Variants in ANXA10 observed in about 807,000 individuals in gnomAD.
The protein encoded by ANXA10 is annexin A10.
Under a neutral mutation model 53.5 loss-of-function variants are expected in ANXA10, and 49 were observed. That is an observed-to-expected ratio of 0.92 (90% CI 0.73 to 1.16). ANXA10 has a LOEUF of 1.16. Among genes scored for constraint, ANXA10 ranks in the 50% most tolerant of loss-of-function variants. ANXA10 has a pLI of 0.00. For synonymous variants in ANXA10, 131 were observed against 128.9 expected (o/e 1.02, Z -0.11); for missense variants, 393 against 394.4 (o/e 1.00, Z 0.03).
intron 2 of ANXA10, among the ~76,000 whole-genome samples, chr4:168,137,912 T>C (rs6841013): frequency 0.19 from 28,665 of 151,974 alleles, 2,912 homozygotes; most frequent in Non-Finnish European, 0.23. Context: ...CAACAGTCTT[T>C]AAGCATTCCT....
intron 3 of ANXA10, among the ~76,000 whole-genome samples, chr4:168,156,242 TAGTATATATTATATATA>T (rs1731670597): frequency 1.9e-5 from 1 of 53,900 alleles, no homozygotes; most frequent in South Asian, 4.4e-4. Flanking sequence ...TTATATATAA[TAGTATATATTATATATA>T]ATGTATATAT....
At chr4:168,116,996 G>GACACAC (rs9312272) in intron 1 of ANXA10, among the ~76,000 whole-genome samples, 7 of 151,128 alleles carry the variant, frequency 4.6e-5, no homozygotes, top group South Asian at 2.1e-4. Flanking sequence ...TTTTCACACA[G>GACACAC]ACACACACAC....
intron 10 of ANXA10, 21 bp downstream of exon 10, chr4:168,181,762 T>A (rs772564845): frequency 4.0e-6 from 6 of 1,483,966 alleles, no homozygotes; most frequent in Admixed American, 3.6e-5. Flanking sequence ...CATATATTTT[T>A]AAAATTTCTC....
chr4:168,138,194 C>T (rs1428801957), intron 2 of ANXA10, among the ~76,000 whole-genome samples: 1 of 152,026 alleles, frequency 6.6e-6, no homozygotes, highest in East Asian at 1.9e-4. Flanking sequence ...ACCTCCTGAC[C>T]TCATGATCCA....
rs1560784534 is a variant in ANXA10 at position 168,156,203 on chromosome 4, A to ATAATATG, written c.196-6323_196-6322insATATGTA. ...ATATATTATATATTATATATAATAT[A>ATAATATG]TATTATATTATATGTAATATGTATT... On this transcript the variant is annotated intron_variant, in intron 3 of 11. Transcript: ENST00000359299. Among the ~76,000 whole-genome samples, 10 of 23,884 alleles carry ATAATATG rather than the reference A, an allele frequency of 4.2e-4. 1 individual carries two copies. Among genetic ancestry groups the ATAATATG allele is most frequent in the African/African-American group, 2.0e-3 (9 of 4,504 alleles). 15.7% of individuals were successfully genotyped at this position (23,884 alleles called of 152,430 possible). A position where few individuals can be genotyped will look rare whatever the true frequency, so the allele number is the denominator to read the frequency against.
intron 1 of ANXA10, among the ~76,000 whole-genome samples, chr4:168,119,893 G>A (rs939258087): frequency 6.6e-6 from 1 of 152,166 alleles, no homozygotes; most frequent in Non-Finnish European, 1.5e-5. Context: ...TTTTGGCTCA[G>A]TACCAGATAA....
rs114163250 is a variant in ANXA10 at position 168,094,799 on chromosome 4, T to A, written c.18+2081T>A. 6.7e-3 allele frequency among the ~76,000 whole-genome samples: 1,022 copies of A among 152,216 alleles called. 15 individuals carry two copies. The highest frequency in any genetic ancestry group is 0.024 in the African/African-American group (987 of 41,562). On this transcript the variant is annotated intron_variant, in intron 1 of 11. Transcript: ENST00000359299. ...AAAATGGTTACATTTCTGTAGGAGA[T>A]AAACATACATAATATGTTAAAATTA... is the stretch of plus-strand genomic sequence containing the variant.
Position 168,096,911 on chromosome 4 carries a change from C to CATATATATATATATATATATATGTAT in ANXA10, c.18+4211_18+4212insATATGTATATATATATATATATATAT, listed in dbSNP as rs35451323. ...TTTGTATCCATTACTAATACAAATG[C>CATATATATATATATATATATATGTAT]ATATATATATATATATATGTATGTA... On this transcript the variant is annotated intron_variant, in intron 1 of 11. Transcript: ENST00000359299. 8.2e-5 allele frequency among the ~76,000 whole-genome samples: 9 copies of CATATATATATATATATATATATGTAT among 109,658 alleles called. No homozygotes were observed. In the South Asian group the frequency reaches 2.2e-3, roughly 27 times the overall value. The allele number at this position is 109,658 out of a possible 152,430, so 71.9% of individuals were successfully genotyped here. A position where few individuals can be genotyped will look rare whatever the true frequency, so the allele number is the denominator to read the frequency against.
chr4:168,141,255 G>T (rs1207651418), intron 3 of ANXA10, among the ~76,000 whole-genome samples: 1 of 152,148 alleles, frequency 6.6e-6, no homozygotes, highest in Non-Finnish European at 1.5e-5. Context: ...AGTCATGTTT[G>T]CCTCTTTCCT....
intron 9 of ANXA10, 21 bp downstream of exon 9, chr4:168,179,333 A>G (rs1177017808): frequency 6.6e-7 from 1 of 1,504,472 alleles, no homozygotes; most frequent in Non-Finnish European, 9.2e-7. Flanking sequence ...AATTATTTGA[A>G]GCACAACAGA....
At chr4:168,181,194 A>G (rs1286634843) in intron 9 of ANXA10, among the ~76,000 whole-genome samples, 1 of 152,124 alleles carries the variant, frequency 6.6e-6, no homozygotes, top group East Asian at 1.9e-4. Context: ...GATCGAGACC[A>G]TCCTGGCTAA....
At chr4:168,106,500 G>T (rs1205175056) in intron 1 of ANXA10, among the ~76,000 whole-genome samples, 1 of 151,936 alleles carries the variant, frequency 6.6e-6, no homozygotes, top group Non-Finnish European at 1.5e-5. Flanking sequence ...CTAAAGAAGA[G>T]AAATAGAATG....
At chr4:168,178,022 ATT>A in intron 8 of ANXA10, 39 bp downstream of exon 8, 3 of 1,566,326 alleles carry the variant, frequency 1.9e-6, no homozygotes. Context: ...TACTTGACCA[ATT>A]ATATAACAAA....
chr4:168,103,213 G>C (rs1730668369), intron 1 of ANXA10, among the ~76,000 whole-genome samples: 1 of 151,658 alleles, frequency 6.6e-6, no homozygotes, highest in Non-Finnish European at 1.5e-5. Flanking sequence ...TCATATTTTT[G>C]TTGTCATTTC....
intron 2 of ANXA10, among the ~76,000 whole-genome samples, chr4:168,136,803 T>G (rs1731244689): frequency 6.6e-6 from 1 of 152,158 alleles, no homozygotes; most frequent in African/African-American, 2.4e-5. Flanking sequence ...TGTCCCAGTG[T>G]GGGGGCTCCA....
chr4:168,107,471 A>C (rs1383933788), intron 1 of ANXA10, among the ~76,000 whole-genome samples: 1 of 152,214 alleles, frequency 6.6e-6, no homozygotes, highest in Non-Finnish European at 1.5e-5. Context: ...TAAACTAAGG[A>C]TAATTACTGG....
chr4:168,153,442 C>CAAAAAAAAAAA (rs1560782282), intron 3 of ANXA10, among the ~76,000 whole-genome samples: 1 of 42,950 alleles, frequency 2.3e-5, no homozygotes, highest in Non-Finnish European at 4.8e-5. Context: ...AAAAAAAAAA[C>CAAAAAAAAAAA]AAAAACAAAA....
At chr4:168,093,402 T>A (rs1730491898) in intron 1 of ANXA10, among the ~76,000 whole-genome samples, 1 of 152,150 alleles carries the variant, frequency 6.6e-6, no homozygotes, top group African/African-American at 2.4e-5. Context: ...AAAGCCAACA[T>A]GAACATTAAG....
At chr4:168,099,587 C>A (rs955034561) in intron 1 of ANXA10, among the ~76,000 whole-genome samples, 1 of 152,050 alleles carries the variant, frequency 6.6e-6, no homozygotes, top group Non-Finnish European at 1.5e-5. Context: ...ACAACTGAAC[C>A]TAATACAACT....
Sources: allele counts gnomAD v4.1 joint callset (sites outside exome capture counted in the v4.1 genomes callset), GRCh38; gene constraint gnomAD v4.1.1; transcripts MANE v1.5; gene names NCBI Gene and HGNC (gene_info 2026-07-23, HGNC 2026-07-21).